Variants in STYX observed in about 807,000 individuals in gnomAD.
STYX encodes the protein serine/threonine/tyrosine interacting protein.
A neutral mutation model predicts 42.7 loss-of-function variants in STYX; 20 were observed. That is an observed-to-expected ratio of 0.47 (90% confidence interval 0.33 to 0.68). The LOEUF (loss-of-function observed/expected upper bound fraction) is 0.68, where lower values mean the gene tolerates loss of function less well. Among genes scored for constraint, STYX ranks in the 30% least tolerant of loss-of-function variants. The pLI is 0.02. For synonymous variants in STYX, 78 were observed against 81.9 expected (o/e 0.95, Z 0.26); for missense variants, 226 against 268.5 (o/e 0.84, Z 1.11).
intron 1 of STYX, among the ~76,000 whole-genome samples, chr14:52,742,797 A>AT (rs752559919): frequency 0.02 from 2,787 of 138,336 alleles, 91 homozygotes; most frequent in African/African-American, 0.06. Context: ...GAATCTTTTG[A>AT]TTTTTTTTTT....
chr14:52,760,977 T>C (rs1171607545), intron 9 of STYX, among the ~76,000 whole-genome samples: 1 of 152,200 alleles, frequency 6.6e-6, no homozygotes, highest in Non-Finnish European at 1.5e-5. Context: ...TTCAAATGTG[T>C]AAAAACATTC....
intron 4 of STYX, among the ~76,000 whole-genome samples, chr14:52,751,457 T>TATAAGAGTATGAACATTTTAAATTCTG (rs1261546833): frequency 1.8e-3 from 275 of 152,350 alleles, no homozygotes; most frequent in African/African-American, 6.5e-3. Flanking sequence ...AATTGCTGGA[T>TATAAGAGTATGAACATTTTAAATTCTG]ATAAGAGTAT....
At chr14:52,745,070 C>T (rs1204512838) in intron 2 of STYX, among the ~76,000 whole-genome samples, 186 bp downstream of exon 2, 2 of 150,494 alleles carry the variant, frequency 1.3e-5, no homozygotes, top group South Asian at 2.1e-4. Flanking sequence ...GAAAGAGGAA[C>T]GTAGTAATAG....
chr14:52,770,990 A>G, intron 10 of STYX, 43 bp from the exon 11 acceptor site: 1 of 1,588,334 alleles, frequency 6.3e-7, no homozygotes, highest in Non-Finnish European at 8.6e-7. Flanking sequence ...TTTAACATGA[A>G]TTTATTTTAG....
Position 52,756,118 on chromosome 14 carries a change from A to T in STYX, c.243-433A>T, listed in dbSNP as rs548854339. ...TACTATATCCTTGACTTCCAGGCTCACACAGTTCTACCTCAGCCCCCTTAG... is the reference window on the plus strand; with the variant it reads ...TACTATATCCTTGACTTCCAGGCTCTCACAGTTCTACCTCAGCCCCCTTAG... On this transcript the variant is annotated intron_variant, in intron 4 of 10. Coordinates refer to ENST00000354586, the MANE Select transcript of STYX (RefSeq NM_145251.4). Among the ~76,000 whole-genome samples the T allele has an allele frequency of 2.6e-5, 4 of 152,164 alleles. No individual in the cohort carries two copies. In the South Asian group the frequency reaches 8.3e-4, roughly 32 times the overall value.
intron 1 of STYX, among the ~76,000 whole-genome samples, chr14:52,731,160 G>A (rs559553140): frequency 6.6e-6 from 1 of 152,144 alleles, no homozygotes; most frequent in South Asian, 2.1e-4. Context: ...CTCCACCTTA[G>A]ATCCCTGCCT....
intron 10 of STYX, 50 bp downstream of exon 10, chr14:52,768,983 G>A: frequency 1.4e-6 from 2 of 1,390,100 alleles, no homozygotes; most frequent in Non-Finnish European, 9.9e-7. Flanking sequence ...GATAATGAAA[G>A]GTGGAGAACT....
intron 9 of STYX, among the ~76,000 whole-genome samples, chr14:52,762,105 C>G (rs1882118552): frequency 6.6e-6 from 1 of 151,802 alleles, no homozygotes; most frequent in South Asian, 2.1e-4. Flanking sequence ...GTCTTGAACT[C>G]CTGACCTCAG....
chr14:52,752,293 C>T (rs1399951487), intron 4 of STYX, among the ~76,000 whole-genome samples: 2 of 151,720 alleles, frequency 1.3e-5, no homozygotes, highest in Non-Finnish European at 2.9e-5. Context: ...AGTGAGACCC[C>T]GTCTCTACTA....
At chr14:52,752,401 GT>G (rs1247991590) in intron 4 of STYX, among the ~76,000 whole-genome samples, 1 of 151,928 alleles carries the variant, frequency 6.6e-6, no homozygotes, top group African/African-American at 2.4e-5. Flanking sequence ...GGAGGCAGAG[GT>G]TTCAGTGAGC....
chr14:52,731,433 CTTT>C (rs34855760), intron 1 of STYX, among the ~76,000 whole-genome samples: 12 of 105,620 alleles, frequency 1.1e-4, no homozygotes, highest in Non-Finnish European at 2.2e-4. Context: ...TGGAGGTTCA[CTTT>C]TTTTTTTTTT....
intron 10 of STYX, among the ~76,000 whole-genome samples, chr14:52,769,346 A>T (rs1241589718): frequency 6.6e-6 from 1 of 152,122 alleles, no homozygotes; most frequent in Non-Finnish European, 1.5e-5. Context: ...GCATGCTCTT[A>T]AAATCTTCCT....
rs112134081 is a variant in STYX, at chr14:52,773,315, G to GTATATATATATA, written c.*2214_*2225dup. The GTATATATATATA allele has an allele frequency of 2.9e-5, 4 of 137,344 alleles. No individual in the cohort carries two copies. In the Admixed American group the frequency reaches 3.0e-4, roughly 10 times the overall value. 8.5% of individuals were successfully genotyped at this position (137,344 alleles called of 1,614,324 possible). A position where few individuals can be genotyped will look rare whatever the true frequency, so the allele number is the denominator to read the frequency against. On this transcript the variant is annotated 3_prime_UTR_variant, in exon 11 of 11. Transcript: ENST00000354586. ...TGTCATCATCTTGAGTACTCTGTGT[G>GTATATATATATA]TATATATATATATATAGATAGATAG...
At chr14:52,731,344 G>C (rs1880692000) in intron 1 of STYX, among the ~76,000 whole-genome samples, 1 of 151,242 alleles carries the variant, frequency 6.6e-6, no homozygotes, top group Admixed American at 6.6e-5. Flanking sequence ...TACCTTTAAA[G>C]TAGTTGGGAA....
At chr14:52,745,742 G>C (rs1007068881) in intron 2 of STYX, among the ~76,000 whole-genome samples, 3 of 152,110 alleles carry the variant, frequency 2.0e-5, no homozygotes, top group African/African-American at 7.2e-5. Flanking sequence ...GCAGTATCTT[G>C]TTCCTGGGAA....
intron 9 of STYX, among the ~76,000 whole-genome samples, chr14:52,764,740 C>T (rs1882234249): frequency 7.3e-6 from 1 of 137,368 alleles, no homozygotes; most frequent in African/African-American, 2.7e-5. Context: ...GTGATCTCGG[C>T]TCACTGCAAC....
At chr14:52,770,920 G>A (rs1353217418) in intron 10 of STYX, 113 bp from the exon 11 acceptor site, 1 of 699,256 alleles carries the variant, frequency 1.4e-6, no homozygotes, top group Non-Finnish European at 2.2e-6. Flanking sequence ...TATATCAGTT[G>A]TGGAATTTTC....
intron 1 of STYX, among the ~76,000 whole-genome samples, chr14:52,733,542 CCTGA>C (rs1313028343): frequency 2.0e-5 from 3 of 152,208 alleles, no homozygotes; most frequent in Admixed American, 1.3e-4. Flanking sequence ...CCTATACACT[CCTGA>C]CTGACTGTAA....
intron 1 of STYX, among the ~76,000 whole-genome samples, chr14:52,737,866 C>G (rs1359753609): frequency 1.3e-5 from 2 of 152,194 alleles, no homozygotes; most frequent in Non-Finnish European, 2.9e-5. Flanking sequence ...AGCTCCGCCT[C>G]CCGGGTTCAC....
Sources: gnomAD v4.1 joint callset for allele counts (sites outside exome capture counted in the v4.1 genomes callset) on GRCh38, gnomAD v4.1.1 for gene constraint, MANE v1.5 for transcripts, NCBI Gene and HGNC (gene_info 2026-07-23, HGNC 2026-07-21) for gene names.